The following PIAS1 variants were observed in gnomAD, a reference collection of about 807,000 sequenced individuals.
The protein encoded by PIAS1 is E3 SUMO-protein ligase PIAS1.
In PIAS1, 6 loss-of-function variants were observed where a neutral mutation model predicts 71.3. The ratio of observed to expected loss-of-function variants is 0.08; its 90% CI spans 0.05 to 0.17. The LOEUF (loss-of-function observed/expected upper bound fraction) is 0.17, where lower values mean the gene tolerates loss of function less well. Among genes scored for constraint, PIAS1 ranks in the 10% least tolerant of loss-of-function variants. The probability of loss-of-function intolerance (pLI) is 1.00; values close to 1 mark genes in which losing one functional copy is unlikely to be tolerated. For missense variants in PIAS1, 555 were observed against 793.6 expected (o/e 0.70, Z 3.61); for synonymous variants, 303 against 292.9 (o/e 1.03, Z -0.35).
chr15:68,066,151 G>A (rs779099744), intron 1 of PIAS1, among the ~76,000 whole-genome samples: 10 of 151,036 alleles, frequency 6.6e-5, no homozygotes, highest in East Asian at 5.8e-4. Context: ...ACAGAGTCTC[G>A]CTCTGTTGCC....
At chr15:68,143,462 T>G (rs1223581048) in intron 4 of PIAS1, among the ~76,000 whole-genome samples, 1 of 152,126 alleles carries the variant, frequency 6.6e-6, no homozygotes, top group Non-Finnish European at 1.5e-5. Context: ...ATGACTATAC[T>G]TAATAACTTT....
intron 8 of PIAS1, among the ~76,000 whole-genome samples, chr15:68,170,776 G>T (rs986622350): frequency 6.6e-6 from 1 of 152,008 alleles, no homozygotes; most frequent in African/African-American, 2.4e-5. Flanking sequence ...AAGTAGCTGG[G>T]ATCCCAGACG....
intron 7 of PIAS1, among the ~76,000 whole-genome samples, chr15:68,160,105 T>C (rs985582638): frequency 2.0e-5 from 3 of 152,178 alleles, no homozygotes; most frequent in African/African-American, 4.8e-5. Flanking sequence ...GCCATTCTTA[T>C]AGCTTCTTTG....
At chr15:68,163,477 T>C (rs1018260985) in intron 7 of PIAS1, among the ~76,000 whole-genome samples, 3 of 152,206 alleles carry the variant, frequency 2.0e-5, no homozygotes, top group African/African-American at 7.2e-5. Context: ...AAACTACCAA[T>C]TGGTGTCCCT....
chr15:68,187,612 C>T lies in PIAS1; in HGVS notation c.1733C>T (p.Ser578Phe). 1 of 1,614,008 alleles carries T rather than the reference C, an allele frequency of 6.2e-7. No homozygotes were observed. Among genetic ancestry groups the T allele is most frequent in the Non-Finnish European group, 8.5e-7 (1 of 1,179,868 alleles). The change falls in exon 14 of 14, where the codon TCT becomes TTT. Residue 578 changes from serine to phenylalanine, a missense_variant. Around this residue, in one of 5 missense-constraint regions of PIAS1, gnomAD observed 244 missense variants for 307.5 expected, o/e 0.79. Transcript: ENST00000249636. The surrounding 1 kb of genome is among the most constrained non-coding windows in gnomAD (Gnocchi z 5.3). ...GATGATCAAGACCTCCTACACTCGT[C>T]TCGGTTTTTCCCGTATACCTCCTCA... ...VSDDQDLLHS[S>F]RFFPYTSSQM...
rs60879036 is a variant in PIAS1, at chr15:68,119,237, C to CAAAAAAAAAAAAAA, written c.470-22695_470-22682dup. Among the ~76,000 whole-genome samples the CAAAAAAAAAAAAAA allele has an allele frequency of 9.9e-4, 27 of 27,406 alleles. 10 individuals are homozygous for CAAAAAAAAAAAAAA. Among genetic ancestry groups the CAAAAAAAAAAAAAA allele is most frequent in the African/African-American group, 2.9e-3 (20 of 6,902 alleles). The allele number at this position is 27,406 out of a possible 152,430, so 18.0% of individuals were successfully genotyped here. A position where few individuals can be genotyped will look rare whatever the true frequency, so the allele number is the denominator to read the frequency against. On this transcript the variant is annotated intron_variant, in intron 2 of 13. Coordinates refer to ENST00000249636, the MANE Select transcript of PIAS1 (RefSeq NM_016166.3). ...CAACATGGTGAAACCCCATCTCTAC[C>CAAAAAAAAAAAAAA]AAAAAAAAAAAAAAAAAAAAAAAAA...
intron 2 of PIAS1, among the ~76,000 whole-genome samples, chr15:68,127,389 A>G (rs894689743): frequency 6.6e-5 from 10 of 152,174 alleles, no homozygotes; most frequent in African/African-American, 2.4e-4. Context: ...CTTCATAAGC[A>G]GGTTTTCAAG....
chr15:68,065,921 T>A, intron 1 of PIAS1, among the ~76,000 whole-genome samples: 1 of 31,996 alleles, frequency 3.1e-5, no homozygotes, highest in Middle Eastern at 0.012. Flanking sequence ...AAAGCTTTTT[T>A]TTTTTTTTTT....
chr15:68,158,314 T>C (rs556596144), intron 7 of PIAS1, among the ~76,000 whole-genome samples: 2 of 152,226 alleles, frequency 1.3e-5, no homozygotes, highest in African/African-American at 2.4e-5. Flanking sequence ...TCCAAAAATA[T>C]GGAACTCTTT....
chr15:68,054,472 G>T lies in PIAS1; in HGVS notation c.24+122G>T. 9.1e-7 allele frequency: 1 copy of T among 1,094,208 alleles called. No homozygotes were observed. The highest frequency in any genetic ancestry group is 2.8e-5 in the East Asian group (1 of 35,330). The allele number at this position is 1,094,208 out of a possible 1,614,324, so 67.8% of individuals were successfully genotyped here. A position where few individuals can be genotyped will look rare whatever the true frequency, so the allele number is the denominator to read the frequency against. The stretch of plus-strand genomic sequence containing the variant: ...CCTGACTCCACCCGGGCCTGGAGTT[G>T]TAGGGAGAGAGGCGCGCCCGGTCTC... On this transcript the variant is annotated intron_variant, in intron 1 of 13. Coordinates refer to ENST00000249636, the MANE Select transcript of PIAS1 (RefSeq NM_016166.3). This position sits in a 1 kb window ranked among gnomAD's most constrained non-coding sequence, Gnocchi z 4.6.
chr15:68,125,334 C>T (rs2092643144), intron 2 of PIAS1, among the ~76,000 whole-genome samples: 1 of 152,056 alleles, frequency 6.6e-6, no homozygotes, highest in Admixed American at 6.6e-5. Context: ...TCTGCTAAAC[C>T]CAAACACAGG....
chr15:68,147,381 A>G (rs1160403780), intron 6 of PIAS1, among the ~76,000 whole-genome samples: 2 of 152,082 alleles, frequency 1.3e-5, no homozygotes, highest in African/African-American at 4.8e-5. Context: ...TTGTGATTAC[A>G]TTTTAAAACT....
chr15:68,146,513 G>A, intron 5 of PIAS1, 53 bp from the exon 6 acceptor site: 2 of 1,440,162 alleles, frequency 1.4e-6, no homozygotes. Context: ...AGGAATGGAA[G>A]TCAAAATGAT....
intron 1 of PIAS1, among the ~76,000 whole-genome samples, chr15:68,085,742 G>A (rs2092274871): frequency 6.6e-6 from 1 of 152,130 alleles, no homozygotes; most frequent in African/African-American, 2.4e-5. Flanking sequence ...ATATCAAATA[G>A]AATATCTGAT....
At chr15:68,092,207 T>A (rs1251651776) in intron 2 of PIAS1, among the ~76,000 whole-genome samples, 6 of 152,096 alleles carry the variant, frequency 3.9e-5, no homozygotes, top group Admixed American at 6.6e-5. Context: ...ATGGTCTCGC[T>A]GTATTGCCCA....
chr15:68,162,939 C>T (rs1282286982), intron 7 of PIAS1, among the ~76,000 whole-genome samples: 1 of 152,100 alleles, frequency 6.6e-6, no homozygotes. Flanking sequence ...CCTTTTTGTT[C>T]TTTCCATGCC....
intron 1 of PIAS1, among the ~76,000 whole-genome samples, chr15:68,063,011 TG>T (rs2091977858): frequency 6.8e-6 from 1 of 147,870 alleles, no homozygotes; most frequent in South Asian, 2.1e-4. Flanking sequence ...TTGATGGTTT[TG>T]CTATACACTA....
chr15:68,176,939 C>T (rs79815888), intron 11 of PIAS1, among the ~76,000 whole-genome samples: 2,452 of 152,132 alleles, frequency 0.016, 149 homozygotes, highest in Admixed American at 0.12. Context: ...TAATAAAATG[C>T]ATACATTGCG....
chr15:68,131,929 G>A (rs141533645), intron 2 of PIAS1, among the ~76,000 whole-genome samples: 5 of 151,434 alleles, frequency 3.3e-5, no homozygotes, highest in East Asian at 3.9e-4. Context: ...TAGGCTGGGC[G>A]TGGTGGCTCA....
Sources: gnomAD v4.1 joint callset for allele counts (sites outside exome capture counted in the v4.1 genomes callset) on GRCh38, gnomAD v4.1.1 for gene constraint, gnomAD v4.1.1 regional missense constraint, Gnocchi (gnomAD v3.1) non-coding constraint, MANE v1.5 for transcripts, NCBI Gene and HGNC (gene_info 2026-07-23, HGNC 2026-07-21) for gene names.